Variants in DNAH7 observed in about 807,000 individuals in gnomAD.
DNAH7 encodes the protein axonemal beta dynein heavy chain 7.
DNAH7 carries 397 observed loss-of-function variants against 444.6 expected under a neutral mutation model. The ratio of observed to expected loss-of-function variants is 0.89; its 90% confidence interval spans 0.82 to 0.97. The LOEUF is 0.97. DNAH7 is among the 50% of genes least tolerant of loss of function. DNAH7 has a pLI of 0.00. For missense variants in DNAH7, 4,902 were observed against 4,800.8 expected (o/e 1.02, Z -0.62); for synonymous variants, 1,636 against 1,624.4 (o/e 1.01, Z -0.17).
intron 21 of DNAH7, among the ~76,000 whole-genome samples, chr2:195,927,617 C>T (rs1163655506): frequency 2.0e-5 from 3 of 151,552 alleles, no homozygotes; most frequent in Non-Finnish European, 4.4e-5. Context: ...GTGGGGAGAA[C>T]AAGAGAAAGA....
At chr2:195,950,716 G>A (rs1460110150) in intron 19 of DNAH7, among the ~76,000 whole-genome samples, 1 of 151,648 alleles carries the variant, frequency 6.6e-6, no homozygotes, top group African/African-American at 2.4e-5. Context: ...GCCAGGCGTG[G>A]TGGCGGGTGC....
At chr2:195,796,431 T>C (rs1274144854) in intron 56 of DNAH7, 145 bp downstream of exon 56, 15 of 969,146 alleles carry the variant, frequency 1.5e-5, no homozygotes, top group Non-Finnish European at 1.9e-5. Flanking sequence ...TGGTTTTCAA[T>C]GTGAGCCTCT....
intron 63 of DNAH7, among the ~76,000 whole-genome samples, chr2:195,747,047 A>G (rs1574359063): frequency 6.6e-6 from 1 of 152,242 alleles, no homozygotes; most frequent in East Asian, 1.9e-4. Context: ...CAAAAAATTA[A>G]TGAATCCAGG....
At chr2:195,828,208 A>G (rs972897297) in intron 48 of DNAH7, among the ~76,000 whole-genome samples, 13 of 152,114 alleles carry the variant, frequency 8.5e-5, no homozygotes, top group African/African-American at 2.4e-5. Flanking sequence ...ATAATTCCCC[A>G]TTGTCTTAAG....
chr2:195,921,523 T>TTATA (rs1209432729), intron 24 of DNAH7, among the ~76,000 whole-genome samples: 1 of 152,070 alleles, frequency 6.6e-6, no homozygotes, highest in Non-Finnish European at 1.5e-5. Context: ...ATGTTCTCAC[T>TTATA]TATAAGTGAG....
In DNAH7 at chr2:195,897,731, A is replaced by G; in HGVS notation, c.4583T>C (p.Leu1528Pro). The G allele has an allele frequency of 1.3e-6, 2 of 1,596,662 alleles. No individual in the cohort carries two copies. The highest frequency in any genetic ancestry group is 8.5e-7 in the Non-Finnish European group (1 of 1,172,006). The stretch of plus-strand genomic sequence containing the variant: ...ATTTACATCAATGATAGATCTAAGC[A>G]GCAAAATTTCTTCATTTTCATTTGG... ...KYPNENEEIL[L>P]LRSIIDVNLP... Residue 1528 changes from leucine to proline, a missense_variant, in exon 29 of 65, where the codon CTG (leucine) becomes CCG (proline). Leu to Pro is a moderately conservative substitution (Grantham distance 98, BLOSUM62 -3). Coordinates refer to ENST00000312428, the MANE Select transcript of DNAH7 (RefSeq NM_018897.3).
At position 195,864,783 on chromosome 2, in the gene DNAH7, T is replaced by C; in HGVS notation, c.6872A>G (p.Asn2291Ser). The change falls in exon 41 of 65, where the codon AAT becomes AGT. Residue 2291 changes from asparagine (N) to serine (S), a missense_variant. By Grantham distance (46) the Asn-to-Ser change is conservative. Transcript: ENST00000312428. The part of the protein sequence containing the change: ...TNYREIADVD[N>S]LRMIVEIHLE... ...GTGAATTTCTACTATCATTCGAAGA[T>C]TATCCACATCTGCGATTTCTCTGTA... is the stretch of plus-strand genomic sequence containing the variant. 1 of 1,614,242 alleles carries C rather than the reference T, an allele frequency of 6.2e-7. No homozygotes were observed. The highest frequency in any genetic ancestry group is 8.5e-7 in the Non-Finnish European group (1 of 1,180,044).
chr2:195,806,313 G>T (rs1453603102), intron 54 of DNAH7, among the ~76,000 whole-genome samples: 1 of 152,026 alleles, frequency 6.6e-6, no homozygotes, highest in Non-Finnish European at 1.5e-5. Flanking sequence ...CAATAATGAC[G>T]AATGTCTTAA....
intron 5 of DNAH7, among the ~76,000 whole-genome samples, chr2:196,041,528 C>A (rs185396768): frequency 2.4e-4 from 36 of 151,908 alleles, no homozygotes; most frequent in African/African-American, 8.4e-4. Flanking sequence ...AAAACTAGAC[C>A]CTATCTCTCA....
chr2:195,848,294 A>G (rs1010216701), intron 46 of DNAH7, among the ~76,000 whole-genome samples: 4 of 152,236 alleles, frequency 2.6e-5, no homozygotes, highest in Non-Finnish European at 5.9e-5. Context: ...CAGAAGCCCC[A>G]CAACTGGGTC....
rs755754642 is a variant in DNAH7 at position 196,047,400 on chromosome 2, G to A, written c.350C>T (p.Pro117Leu). Residue 117 changes from proline (P) to leucine (L), a missense_variant, in exon 5 of 65, where the codon CCA (proline) becomes CTA (leucine). Pro to Leu is a moderately conservative substitution (Grantham distance 98, BLOSUM62 -3). Transcript: ENST00000312428. ...TCTAAAGTTTTCTCGTTCTTTATGT[G>A]GAGATTTGCCCTTTGATTTGGAAGT... is the stretch of plus-strand genomic sequence containing the variant. ...PSTSKSKGKS[P>L]HKERENFRST... 3 of 1,599,910 alleles carry A rather than the reference G, an allele frequency of 1.9e-6. No individual in the cohort carries two copies. In the East Asian group the frequency reaches 6.7e-5, roughly 36 times the overall value.
In DNAH7 at chr2:195,861,911, T is replaced by C; in HGVS notation, c.7542A>G (p.Ser2514=). 6.2e-7 allele frequency: 1 copy of C among 1,613,906 alleles called. No individual in the cohort carries two copies. Among genetic ancestry groups the C allele is most frequent in the Non-Finnish European group, 8.5e-7 (1 of 1,179,844 alleles). The change falls in exon 42 of 65, where the codon TCA becomes TCG. Residue 2514 remains serine, a synonymous_variant. Transcript: ENST00000312428. ...ACATTTCAATTTCTTCCAAGAATCG[T>C]GAGGCAACTGCCTGGAGTGCATCTT... ...WPEDALQAVA[S]RFLEEIEMSE...
intron 48 of DNAH7, among the ~76,000 whole-genome samples, chr2:195,827,444 ATTTT>A (rs1004403769): frequency 7.9e-5 from 12 of 151,490 alleles, no homozygotes; most frequent in African/African-American, 2.9e-4. Context: ...CACCCAGCTA[ATTTT>A]TTGTGTTTTT....
chr2:195,778,931 C>A (rs553802936), intron 58 of DNAH7, among the ~76,000 whole-genome samples: 14 of 151,236 alleles, frequency 9.3e-5, no homozygotes, highest in African/African-American at 3.4e-4. Context: ...GCAACCTCCA[C>A]CTCCCGGGTT....
intron 55 of DNAH7, among the ~76,000 whole-genome samples, chr2:195,798,087 C>G (rs997768074): frequency 3.3e-5 from 5 of 152,190 alleles, no homozygotes; most frequent in Admixed American, 2.6e-4. Flanking sequence ...GGCAGCCAGT[C>G]CTTTTTATTT....
chr2:195,778,872 T>G (rs1210736215), intron 58 of DNAH7, among the ~76,000 whole-genome samples: 1 of 149,196 alleles, frequency 6.7e-6, no homozygotes, highest in Non-Finnish European at 1.5e-5. Flanking sequence ...AGACTGAGTT[T>G]CACTCTTGTT....
chr2:195,779,649 C>T (rs1335641006), intron 58 of DNAH7, among the ~76,000 whole-genome samples: 3 of 151,886 alleles, frequency 2.0e-5, no homozygotes, highest in Non-Finnish European at 4.4e-5. Flanking sequence ...TGCTCTGTCA[C>T]CCAGGCTGGA....
intron 47 of DNAH7, among the ~76,000 whole-genome samples, chr2:195,844,409 C>A (rs1273099280): frequency 6.6e-6 from 1 of 152,144 alleles, no homozygotes; most frequent in African/African-American, 2.4e-5. Flanking sequence ...TGTCCTCACA[C>A]TGTGACAGGC....
Position 195,876,675 on chromosome 2 carries a change from T to TG in DNAH7, c.5985_5986insC (p.Lys1996GlnfsTer10). ...ATTAGCAGAGGTTTGTAGATTTCCTTATTTAGTTGATTTAAAAGAAAATTC... is the reference window on the plus strand; with the variant it reads ...ATTAGCAGAGGTTTGTAGATTTCCTTGATTTAGTTGATTTAAAAGAAAATTC... On this transcript the variant is annotated frameshift_variant, in exon 37 of 65. Coordinates refer to ENST00000312428, the MANE Select transcript of DNAH7 (RefSeq NM_018897.3). LOFTEE classifies it high-confidence loss of function. 6.2e-7 allele frequency: 1 copy of TG among 1,600,180 alleles called. No individual in the cohort carries two copies. Among genetic ancestry groups the TG allele is most frequent in the Non-Finnish European group, 8.5e-7 (1 of 1,170,702 alleles).
Sources: allele counts gnomAD v4.1 joint callset (sites outside exome capture counted in the v4.1 genomes callset), GRCh38; gene constraint gnomAD v4.1.1; transcripts MANE v1.5; gene names NCBI Gene and HGNC (gene_info 2026-07-23, HGNC 2026-07-21).